KIAA0825: variants seen among roughly 807,000 people sequenced by gnomAD.
The protein encoded by KIAA0825 is uncharacterized protein KIAA0825.
Under a neutral mutation model 147.6 loss-of-function variants are expected in KIAA0825, and 119 were observed. That is an observed-to-expected ratio of 0.81 (90% CI 0.69 to 0.94). KIAA0825 has a LOEUF of 0.94. Ranked by LOEUF, KIAA0825 falls within the 40% of genes least tolerant of loss-of-function variation. The pLI is 0.00. For missense variants in KIAA0825, 1,381 were observed against 1,472.7 expected (o/e 0.94, Z 1.02); for synonymous variants, 470 against 518.1 (o/e 0.91, Z 1.26).
intron 2 of KIAA0825, among the ~76,000 whole-genome samples, chr5:94,538,959 G>A (rs1772699157): frequency 6.6e-6 from 1 of 152,200 alleles, no homozygotes; most frequent in Non-Finnish European, 1.5e-5. Flanking sequence ...GTCTTGAATA[G>A]GAGCTGGGTA....
chr5:94,301,017 A>G (rs549793842), intron 20 of KIAA0825, among the ~76,000 whole-genome samples: 3 of 152,306 alleles, frequency 2.0e-5, no homozygotes, highest in African/African-American at 4.8e-5. Flanking sequence ...TAGGAAATTC[A>G]TAGGAAACAC....
chr5:94,279,105 A>C (rs1777347494), intron 20 of KIAA0825, among the ~76,000 whole-genome samples: 1 of 152,064 alleles, frequency 6.6e-6, no homozygotes, highest in Admixed American at 6.6e-5. Flanking sequence ...AAGATTATAA[A>C]CTATGAATTA....
At chr5:94,453,455 G>A (rs1361337034) in intron 12 of KIAA0825, among the ~76,000 whole-genome samples, 6 of 151,578 alleles carry the variant, frequency 4.0e-5, no homozygotes, top group African/African-American at 9.7e-5. Flanking sequence ...TCAAAGTGCT[G>A]GGATTACAGG....
At chr5:94,508,184 T>G (rs1457972147) in intron 5 of KIAA0825, among the ~76,000 whole-genome samples, 1 of 152,108 alleles carries the variant, frequency 6.6e-6, no homozygotes, top group African/African-American at 2.4e-5. Flanking sequence ...CTGCTGGATA[T>G]AATCACTAAT....
chr5:94,500,560 G>T (rs1041217263), intron 5 of KIAA0825, among the ~76,000 whole-genome samples: 38 of 152,110 alleles, frequency 2.5e-4, no homozygotes, highest in Non-Finnish European at 3.7e-4. Flanking sequence ...AGGGAATGGT[G>T]AGGAGTTCTG....
At chr5:94,294,708 A>C (rs1778058871) in intron 20 of KIAA0825, among the ~76,000 whole-genome samples, 2 of 152,182 alleles carry the variant, frequency 1.3e-5, no homozygotes, top group Admixed American at 6.5e-5. Flanking sequence ...CCTTGGCAAG[A>C]CTATGTCTCA....
At chr5:94,554,137 G>A (rs1489394275) in intron 2 of KIAA0825, among the ~76,000 whole-genome samples, 1 of 152,146 alleles carries the variant, frequency 6.6e-6, no homozygotes, top group African/African-American at 2.4e-5. Context: ...TATAATCCCT[G>A]AAACTCTAAG....
Position 94,154,009 on chromosome 5 carries a change from A to G in KIAA0825, c.3826T>C (p.Ter1276GlnextTer16). ...SSASDNIEEQ[*>Q] is the part of the protein sequence containing the mutation. The stretch of plus-strand genomic sequence containing the variant: ...AAGCTGTTGCTGTTTTCTGCAGATT[A>G]CTGTTCCTCTATGTTATCTGAGGCA... The change falls in exon 21 of 21, where the codon TAA becomes CAA. Residue 1276 changes from the stop codon to glutamine (Q), a stop_lost. Transcript: ENST00000682413. The G allele has an allele frequency of 1.3e-6, 2 of 1,544,450 alleles. No homozygotes were observed. The highest frequency in any genetic ancestry group is 1.8e-6 in the Non-Finnish European group (2 of 1,140,352).
rs552190987 is a variant in KIAA0825, at chr5:94,266,445, G to T, written c.3711-112321C>A. On this transcript the variant is annotated intron_variant, in intron 20 of 20. Coordinates refer to ENST00000682413, the MANE Select transcript of KIAA0825 (RefSeq NM_001145678.3). The stretch of plus-strand genomic sequence containing the variant: ...GTACAAGATATCATTTCAGATTTTT[G>T]TAATACATTGCAACTAACCTTTAAG... Among the ~76,000 whole-genome samples, 464 of 152,204 alleles carry T rather than the reference G, an allele frequency of 3.0e-3. 1 individual carries two copies. Among genetic ancestry groups the T allele is most frequent in the Non-Finnish European group, 4.3e-3 (292 of 68,004 alleles).
At chr5:94,540,950 T>C (rs1773175278) in intron 2 of KIAA0825, among the ~76,000 whole-genome samples, 1 of 152,200 alleles carries the variant, frequency 6.6e-6, no homozygotes, top group African/African-American at 2.4e-5. Flanking sequence ...TAAGAAATGC[T>C]CTTGTATATA....
intron 20 of KIAA0825, among the ~76,000 whole-genome samples, chr5:94,195,693 T>C (rs1771072655): frequency 1.3e-5 from 2 of 152,048 alleles, no homozygotes; most frequent in Non-Finnish European, 2.9e-5. Flanking sequence ...TTTGAAACAT[T>C]TGAGAATCAC....
chr5:94,472,470 G>A (rs1761325710), intron 8 of KIAA0825, among the ~76,000 whole-genome samples: 2 of 152,194 alleles, frequency 1.3e-5, no homozygotes, highest in South Asian at 2.1e-4. Context: ...AATCGGCCGG[G>A]CGCGGTGGCT....
At chr5:94,615,883 A>G (rs781722541) in intron 1 of KIAA0825, among the ~76,000 whole-genome samples, 1 of 152,086 alleles carries the variant, frequency 6.6e-6, no homozygotes, top group Non-Finnish European at 1.5e-5. Context: ...GTGCAGTAGT[A>G]TGATCATAGT....
At chr5:94,483,300 G>A (rs1286897187) in intron 6 of KIAA0825, among the ~76,000 whole-genome samples, 1 of 151,946 alleles carries the variant, frequency 6.6e-6, no homozygotes, top group Non-Finnish European at 1.5e-5. Context: ...TTCAAAATGG[G>A]TAGAAGCCTA....
intron 20 of KIAA0825, among the ~76,000 whole-genome samples, chr5:94,227,494 A>G (rs1162656547): frequency 6.6e-6 from 1 of 151,834 alleles, no homozygotes; most frequent in South Asian, 2.1e-4. Flanking sequence ...ACATGTATAC[A>G]TATGTAACTA....
intron 1 of KIAA0825, among the ~76,000 whole-genome samples, chr5:94,590,176 G>C (rs1018188372): frequency 1.3e-5 from 2 of 152,082 alleles, no homozygotes; most frequent in South Asian, 2.1e-4. Flanking sequence ...TGCATTTTTA[G>C]TAGAGATGGG....
chr5:94,544,631 G>T (rs549018065), intron 2 of KIAA0825, among the ~76,000 whole-genome samples: 2 of 152,208 alleles, frequency 1.3e-5, no homozygotes, highest in Admixed American at 1.3e-4. Context: ...TGTCTTTACT[G>T]ACATTTCAAT....
At chr5:94,265,605 C>G (rs1776708323) in intron 20 of KIAA0825, among the ~76,000 whole-genome samples, 1 of 152,094 alleles carries the variant, frequency 6.6e-6, no homozygotes. Flanking sequence ...TTGAGACCAG[C>G]CTGGCCAACA....
At chr5:94,204,762 C>T (rs1337295103) in intron 20 of KIAA0825, among the ~76,000 whole-genome samples, 1 of 152,172 alleles carries the variant, frequency 6.6e-6, no homozygotes, top group Admixed American at 6.5e-5. Flanking sequence ...CATATGACCT[C>T]CTCTCCTCTA....
Sources: gnomAD v4.1 joint callset for allele counts (sites outside exome capture counted in the v4.1 genomes callset) on GRCh38, gnomAD v4.1.1 for gene constraint, MANE v1.5 for transcripts, NCBI Gene and HGNC (gene_info 2026-07-23, HGNC 2026-07-21) for gene names.